The following RAP1GAP2 variants were observed in gnomAD, a reference collection of about 807,000 sequenced individuals.
The protein encoded by RAP1GAP2 is RAP1 GTPase activating protein 2.
RAP1GAP2 carries 27 observed loss-of-function variants against 95.0 expected under a neutral mutation model. That is an observed-to-expected ratio of 0.28 (90% CI 0.21 to 0.39). The LOEUF (loss-of-function observed/expected upper bound fraction) is 0.39. Among genes scored for constraint, RAP1GAP2 ranks in the 10% least tolerant of loss-of-function variants. RAP1GAP2 has a pLI of 1.00. For missense variants in RAP1GAP2, 771 were observed against 970.0 expected, an observed-to-expected ratio of 0.79 and a Z score of 2.72; for synonymous variants, 373 against 380.9, an observed-to-expected ratio of 0.98 and a Z score of 0.24.
At chr17:2,981,296 G>A (rs1434419157) in intron 10 of RAP1GAP2, 48 bp downstream of exon 10, 2 of 1,533,288 alleles carry the variant, frequency 1.3e-6, no homozygotes, top group Non-Finnish European at 1.8e-6. Flanking sequence ...GCTTGGCAAG[G>A]ATTTGCAGAC....
intron 2 of RAP1GAP2, among the ~76,000 whole-genome samples, chr17:2,848,560 G>A (rs2071687334): frequency 6.6e-6 from 1 of 151,274 alleles, no homozygotes; most frequent in Non-Finnish European, 1.5e-5. Context: ...TGTTCCCCAG[G>A]CTGGAGTGCA....
chr17:2,969,100 A>G (rs2044738029), intron 8 of RAP1GAP2, among the ~76,000 whole-genome samples: 1 of 152,076 alleles, frequency 6.6e-6, no homozygotes. Context: ...CACTTGACAT[A>G]TCAATACTAG....
chr17:3,012,311 T>C (rs1017280338), intron 17 of RAP1GAP2, among the ~76,000 whole-genome samples: 27 of 151,802 alleles, frequency 1.8e-4, no homozygotes, highest in Non-Finnish European at 2.9e-4. Flanking sequence ...AAAAAAAACC[T>C]TCCAATTATA....
intron 3 of RAP1GAP2, among the ~76,000 whole-genome samples, chr17:2,920,541 A>G (rs2042726942): frequency 6.6e-6 from 1 of 152,172 alleles, no homozygotes; most frequent in African/African-American, 2.4e-5. Context: ...CCTGGGATTT[A>G]GAAACCAACT....
At chr17:2,785,562 T>C (rs554034197) in intron 1 of RAP1GAP2, among the ~76,000 whole-genome samples, 11 of 152,374 alleles carry the variant, frequency 7.2e-5, no homozygotes, top group African/African-American at 2.4e-4. Flanking sequence ...GTGAAACTTT[T>C]TGTTCTGTTA....
chr17:2,945,261 A>G (rs1295109250), intron 3 of RAP1GAP2, among the ~76,000 whole-genome samples: 1 of 151,804 alleles, frequency 6.6e-6, no homozygotes, highest in Non-Finnish European at 1.5e-5. Flanking sequence ...TATTATTTTT[A>G]TTGTTTGTCT....
chr17:3,034,516 C>G lies in RAP1GAP2; in HGVS notation c.*1155C>G, dbSNP rs963830085. ...GGGGGGCCCAGCCTGGCCCTGGGGC[C>G]TTTTCCAGCTACTGTGCCCTTGGGC... On this transcript the variant is annotated 3_prime_UTR_variant, in exon 25 of 25. Transcript: ENST00000254695. The surrounding 1 kb of genome is among the most constrained non-coding windows in gnomAD (Gnocchi z 5.1). 20 of 161,216 alleles carry G rather than the reference C, an allele frequency of 1.2e-4. No homozygotes were observed. The South Asian group carries it at 2.5e-3, about 20-fold the overall frequency. 10.0% of individuals were successfully genotyped at this position (161,216 alleles called of 1,614,324 possible).
At chr17:2,968,280 C>T (rs1330184372) in intron 8 of RAP1GAP2, among the ~76,000 whole-genome samples, 1 of 152,044 alleles carries the variant, frequency 6.6e-6, no homozygotes, top group Admixed American at 6.6e-5. Context: ...GTATATGAAA[C>T]AGTACAAAGC....
intron 2 of RAP1GAP2, among the ~76,000 whole-genome samples, chr17:2,820,045 T>C (rs369875557): frequency 4.5e-4 from 69 of 152,144 alleles, no homozygotes; most frequent in African/African-American, 1.5e-3. Flanking sequence ...CCTCCCAAAG[T>C]GTTGGGATTA....
At chr17:2,837,805 G>A (rs1273537591) in intron 2 of RAP1GAP2, among the ~76,000 whole-genome samples, 7 of 151,078 alleles carry the variant, frequency 4.6e-5, no homozygotes, top group African/African-American at 1.7e-4. Flanking sequence ...ACGGGGTTTC[G>A]CCGTGTTAGC....
intron 2 of RAP1GAP2, among the ~76,000 whole-genome samples, chr17:2,900,868 C>T (rs1270024146): frequency 2.0e-5 from 3 of 152,204 alleles, no homozygotes; most frequent in Non-Finnish European, 4.4e-5. Flanking sequence ...AAACTTGAAC[C>T]CAGGAATCCC....
At position 2,906,719 on chromosome 17, in the gene RAP1GAP2, T is replaced by C. The variant is rs546700796; in HGVS notation, c.165+1351T>C. Among the ~76,000 whole-genome samples, 103 of 152,242 alleles carry C rather than the reference T, an allele frequency of 6.8e-4. No homozygotes were observed. Among genetic ancestry groups the C allele is most frequent in the African/African-American group, 2.2e-3 (90 of 41,566 alleles). On this transcript the variant is annotated intron_variant, in intron 3 of 24. Transcript: ENST00000254695. The surrounding 1 kb of genome is among the most constrained non-coding windows in gnomAD (Gnocchi z 4.3). Reference sequence around the variant, plus strand: ...GGCTGTGGGATGCTTGTCTCTGTCCTCACAGATGGCAGGAGTTTGCAGGGA... The same window carrying C: ...GGCTGTGGGATGCTTGTCTCTGTCCCCACAGATGGCAGGAGTTTGCAGGGA...
intron 2 of RAP1GAP2, among the ~76,000 whole-genome samples, chr17:2,900,966 C>T (rs375896409): frequency 1.3e-5 from 2 of 152,160 alleles, no homozygotes; most frequent in Non-Finnish European, 1.5e-5. Flanking sequence ...CAGAGCCCTC[C>T]GAGGGTGGGG....
chr17:2,912,953 G>T (rs760327945), intron 3 of RAP1GAP2, among the ~76,000 whole-genome samples: 16 of 152,132 alleles, frequency 1.1e-4, no homozygotes, highest in Non-Finnish European at 1.8e-4. Flanking sequence ...TGAGGCAGGA[G>T]GATCCCTTGA....
intron 2 of RAP1GAP2, among the ~76,000 whole-genome samples, chr17:2,800,885 C>G (rs1241616745): frequency 2.2e-5 from 3 of 135,298 alleles, no homozygotes; most frequent in East Asian, 2.2e-4. Flanking sequence ...GAGTCTTGCT[C>G]TGTTGCCAGG....
At chr17:2,791,022 T>G (rs1394472117) in intron 1 of RAP1GAP2, among the ~76,000 whole-genome samples, 1 of 152,194 alleles carries the variant, frequency 6.6e-6, no homozygotes, top group Non-Finnish European at 1.5e-5. Flanking sequence ...CAGGCCAACA[T>G]GGCAAAACCC....
intron 2 of RAP1GAP2, among the ~76,000 whole-genome samples, chr17:2,835,430 A>G (rs887545539): frequency 1.3e-5 from 2 of 152,202 alleles, no homozygotes; most frequent in Non-Finnish European, 2.9e-5. Flanking sequence ...CATGTTGGCC[A>G]GGATGGTCTC....
chr17:2,852,797 G>C (rs898675854), intron 2 of RAP1GAP2, among the ~76,000 whole-genome samples: 4 of 152,198 alleles, frequency 2.6e-5, no homozygotes, highest in African/African-American at 9.6e-5. Context: ...GCACCTGGAA[G>C]TGGATGAGGG....
chr17:2,765,840 G>A (rs7224386), intron 1 of RAP1GAP2, among the ~76,000 whole-genome samples: 24,720 of 151,868 alleles, frequency 0.16, 2,778 homozygotes, highest in African/African-American at 0.32. Context: ...ATGGTGCTGC[G>A]CCCCTGTAAT....
Sources: allele counts gnomAD v4.1 joint callset (sites outside exome capture counted in the v4.1 genomes callset), GRCh38; gene constraint gnomAD v4.1.1; non-coding constraint Gnocchi (gnomAD v3.1); transcripts MANE v1.5; gene names NCBI Gene and HGNC (gene_info 2026-07-23, HGNC 2026-07-21).